Variants in CDHR3 observed in about 807,000 individuals in gnomAD.
CDHR3 encodes the protein cadherin related family member 3.
In CDHR3, 79 loss-of-function variants were observed where a neutral mutation model predicts 86.6. The ratio of observed to expected loss-of-function variants is 0.91; its 90% CI spans 0.76 to 1.10. The LOEUF (loss-of-function observed/expected upper bound fraction) is 1.10. CDHR3 is among the 50% of genes least tolerant of loss of function. The pLI, the probability that CDHR3 is intolerant of heterozygous loss-of-function variation, is 0.00. For missense variants in CDHR3, 1,081 were observed against 1,077.6 expected (o/e 1.00, Z -0.04); for synonymous variants, 421 against 402.4 (o/e 1.05, Z -0.55).
chr7:106,019,100 C>G (rs1243902274), intron 12 of CDHR3, among the ~76,000 whole-genome samples: 10 of 152,160 alleles, frequency 6.6e-5, no homozygotes, highest in Non-Finnish European at 1.2e-4. Flanking sequence ...AAAATGAACT[C>G]TCAGTTAGCA....
At chr7:105,976,401 T>C (rs41265) in intron 2 of CDHR3, among the ~76,000 whole-genome samples, 37,992 of 152,118 alleles carry the variant, frequency 0.25, 6,236 homozygotes, top group African/African-American at 0.47. Context: ...AAGCTGAGAA[T>C]GGAAGCCAGG....
rs756839511 is a variant in CDHR3 at position 106,013,067 on chromosome 7, C to T, written c.1224+36C>T. On this transcript the variant is annotated intron_variant, in intron 9 of 18. Transcript: ENST00000317716. ...GGTCATTGCATCATTAAAAGGGCATCGGGAATTGGTCCAACATGCATCATG... is the reference window on the plus strand; with the variant it reads ...GGTCATTGCATCATTAAAAGGGCATTGGGAATTGGTCCAACATGCATCATG... 24 of 1,531,656 alleles carry T rather than the reference C, an allele frequency of 1.6e-5. No individual in the cohort carries two copies. In the Admixed American group the frequency reaches 1.7e-4, roughly 11 times the overall value. The allele number at this position is 1,531,656 out of a possible 1,614,324, so 94.9% of individuals were successfully genotyped here.
chr7:106,026,234 T>C (rs539757120), intron 15 of CDHR3, among the ~76,000 whole-genome samples: 10 of 152,322 alleles, frequency 6.6e-5, no homozygotes, highest in Non-Finnish European at 1.3e-4. Context: ...TCGTAGGGTC[T>C]GAGTCCAGCT....
intron 15 of CDHR3, 40 bp from the exon 16 acceptor site, chr7:106,026,642 C>A (rs1327413441): frequency 1.2e-6 from 2 of 1,611,148 alleles, no homozygotes; most frequent in African/African-American, 2.7e-5. Context: ...GTGCAGCATA[C>A]TTTCAAGTGA....
At chr7:106,020,640 G>A in intron 13 of CDHR3, 96 bp downstream of exon 13, 1 of 1,376,830 alleles carries the variant, frequency 7.3e-7, no homozygotes, top group Non-Finnish European at 9.9e-7. Context: ...TCTGGGCAAA[G>A]TGGGATGGGA....
chr7:105,968,411 G>A (rs1827326501), intron 1 of CDHR3, among the ~76,000 whole-genome samples: 1 of 151,628 alleles, frequency 6.6e-6, no homozygotes, highest in African/African-American at 2.4e-5. Context: ...GCCCAGGCTG[G>A]AGTGCAGTGG....
chr7:106,004,473 C>T (rs1422912223), intron 7 of CDHR3, 25 bp from the exon 8 acceptor site: 2 of 1,591,370 alleles, frequency 1.3e-6, no homozygotes, highest in South Asian at 2.2e-5. Context: ...TTCAAAGGGT[C>T]ACGTTCTAAC....
intron 9 of CDHR3, among the ~76,000 whole-genome samples, chr7:106,013,677 C>G (rs973329045): frequency 1.4e-4 from 21 of 152,244 alleles, no homozygotes; most frequent in Admixed American, 6.5e-4. Flanking sequence ...CAACCCGCTA[C>G]CCTTCCCCTC....
At chr7:105,975,889 C>G (rs41264) in intron 2 of CDHR3, among the ~76,000 whole-genome samples, 76,725 of 151,918 alleles carry the variant, frequency 0.51, 20,251 homozygotes, top group East Asian at 0.71. Context: ...GTTCCCATTA[C>G]GTGTTCTTAA....
At chr7:105,982,750 A>T (rs955070931) in intron 3 of CDHR3, among the ~76,000 whole-genome samples, 6 of 151,986 alleles carry the variant, frequency 3.9e-5, no homozygotes, top group African/African-American at 1.5e-4. Flanking sequence ...TGGGAGGCTG[A>T]GGTGGGAGTA....
intron 2 of CDHR3, among the ~76,000 whole-genome samples, chr7:105,978,463 T>C (rs569405169): frequency 2.6e-5 from 4 of 152,142 alleles, no homozygotes; most frequent in Non-Finnish European, 5.9e-5. Flanking sequence ...ACCTCAAATT[T>C]AACATGCCTA....
At chr7:106,021,366 CA>C (rs1836539170) in intron 13 of CDHR3, among the ~76,000 whole-genome samples, 1 of 152,200 alleles carries the variant, frequency 6.6e-6, no homozygotes, top group Admixed American at 6.5e-5. Context: ...TCACAAAACC[CA>C]GGGGCAGAAA....
chr7:106,024,567 G>A lies in CDHR3; in HGVS notation c.2258+5G>A. ...TGGGAAGAACAAGGAACCTCTGTAA[G>A]TTGCCAGTGGGCTGGGCCCTCTTCC... On this transcript the variant is annotated splice_donor_5th_base_variant and intron_variant, in intron 15 of 18. Coordinates refer to ENST00000317716, the MANE Select transcript of CDHR3 (RefSeq NM_152750.5). 1.2e-6 allele frequency: 2 copies of A among 1,613,826 alleles called. No homozygotes were observed. The highest frequency in any genetic ancestry group is 1.7e-6 in the Non-Finnish European group (2 of 1,179,800).
In CDHR3 at chr7:105,984,290, G is replaced by T; in HGVS notation, c.513+1G>T. 1.2e-6 allele frequency: 2 copies of T among 1,603,806 alleles called. No individual in the cohort carries two copies. The highest frequency in any genetic ancestry group is 1.7e-6 in the Non-Finnish European group (2 of 1,172,546). ...CACAAGCCGAAACATTCCCCTCAGT[G>T]TAAGTGTCCTTATATGGAAGAGGTG... On this transcript the variant is annotated splice_donor_variant, in intron 4 of 18. Coordinates refer to ENST00000317716, the MANE Select transcript of CDHR3 (RefSeq NM_152750.5). LOFTEE classifies it high-confidence loss of function.
chr7:106,028,080 G>A (rs898654549), intron 16 of CDHR3, among the ~76,000 whole-genome samples: 3 of 151,186 alleles, frequency 2.0e-5, no homozygotes, highest in East Asian at 1.9e-4. Context: ...AGTTGTGACC[G>A]CACTCTAGCC....
chr7:105,974,941 A>G lies in CDHR3; in HGVS notation c.144A>G (p.Leu48=). The G allele has an allele frequency of 1.2e-6, 2 of 1,613,846 alleles. No individual in the cohort carries two copies. Among genetic ancestry groups the G allele is most frequent in the Non-Finnish European group, 8.5e-7 (1 of 1,179,738 alleles). ...CAGTGCACAAGTTTTCTGTGAAGTT[A>G]TCAGCATCATTGTCACCTGTGATCC... ...GTSVHKFSVK[L]SASLSPVIPG... The change falls in exon 2 of 19, where the codon TTA becomes TTG. Residue 48 remains leucine, a synonymous_variant. Transcript: ENST00000317716.
chr7:105,975,051 G>C lies in CDHR3; in HGVS notation c.249+5G>C. On this transcript the variant is annotated splice_donor_5th_base_variant and intron_variant, in intron 2 of 18. Coordinates refer to ENST00000317716, the MANE Select transcript of CDHR3 (RefSeq NM_152750.5). ...CTGTCAGGCACCTACTTTGAGGTAAGTAACAACTTACCAACATGAGTGTTG... is the reference window on the plus strand; with the variant it reads ...CTGTCAGGCACCTACTTTGAGGTAACTAACAACTTACCAACATGAGTGTTG... 1.2e-6 allele frequency: 2 copies of C among 1,610,330 alleles called. No individual in the cohort carries two copies. The highest frequency in any genetic ancestry group is 1.1e-5 in the South Asian group (1 of 90,994).
chr7:106,015,830 C>T (rs766087494), intron 10 of CDHR3, 97 bp from the exon 11 acceptor site: 452 of 918,980 alleles, frequency 4.9e-4, no homozygotes, highest in Non-Finnish European at 6.1e-4. Context: ...ATCCCCTATG[C>T]GCAAAGCCTG....
Position 106,012,967 on chromosome 7 carries a change from T to A in CDHR3, c.1160T>A (p.Met387Lys), listed in dbSNP as rs1460874922. 6.2e-7 allele frequency: 1 copy of A among 1,613,744 alleles called. No homozygotes were observed. Among genetic ancestry groups the A allele is most frequent in the South Asian group, 1.1e-5 (1 of 91,042 alleles). ...EAPNNRFNFT[M>K]PSGVGSGSRF... ...CCAAACAACAGATTCAACTTCACCA[T>A]GCCATCTGGAGTGGGGAGCGGCAGC... Residue 387 changes from methionine (M) to lysine (K), a missense_variant, in exon 9 of 19, where the codon ATG becomes AAG. By Grantham distance (95) the Met-to-Lys change is moderately conservative. Coordinates refer to ENST00000317716, the MANE Select transcript of CDHR3 (RefSeq NM_152750.5).
Sources: gnomAD v4.1 joint callset for allele counts (sites outside exome capture counted in the v4.1 genomes callset) on GRCh38, gnomAD v4.1.1 for gene constraint, MANE v1.5 for transcripts, NCBI Gene and HGNC (gene_info 2026-07-23, HGNC 2026-07-21) for gene names.